Variants in RAD54L2 observed in about 807,000 individuals in gnomAD.
RAD54L2 encodes the protein helicase ARIP4.
A neutral mutation model predicts 138.4 loss-of-function variants in RAD54L2; 27 were observed. The observed-to-expected ratio is 0.20, with a 90% CI of 0.14 to 0.27. RAD54L2 has a LOEUF of 0.27. Among genes scored for constraint, RAD54L2 ranks in the 10% least tolerant of loss-of-function variants. The pLI, the probability that RAD54L2 is intolerant of heterozygous loss-of-function variation, is 1.00. For synonymous variants in RAD54L2, 644 were observed against 723.2 expected, an observed-to-expected ratio of 0.89 and a Z score of 1.76; for missense variants, 1,396 against 1,890.2, an observed-to-expected ratio of 0.74 and a Z score of 4.85.
chr3:51,573,657 A>T (rs969377849), intron 2 of RAD54L2, among the ~76,000 whole-genome samples: 2 of 152,200 alleles, frequency 1.3e-5, no homozygotes, highest in African/African-American at 4.8e-5. Context: ...TTTAGTAGAG[A>T]TGGGGTTTTG....
intron 21 of RAD54L2, among the ~76,000 whole-genome samples, chr3:51,659,385 G>A (rs575992282): frequency 3.3e-5 from 5 of 152,228 alleles, no homozygotes; most frequent in African/African-American, 7.2e-5. Flanking sequence ...GATTACAGGC[G>A]TGAGCCACTG....
chr3:51,592,054 GTTTTTTTT>G (rs71084151), intron 3 of RAD54L2, among the ~76,000 whole-genome samples: 1 of 66,824 alleles, frequency 1.5e-5, no homozygotes, highest in Admixed American at 2.6e-4. Flanking sequence ...TGGTTTTGGT[GTTTTTTTT>G]TTTTTTTTTT....
intron 14 of RAD54L2, 92 bp downstream of exon 14, chr3:51,640,091 C>A: frequency 1.1e-6 from 1 of 899,582 alleles, no homozygotes; most frequent in Middle Eastern, 2.4e-4. Context: ...CCCCGCCTCC[C>A]CCAAGTGCTA....
intron 3 of RAD54L2, among the ~76,000 whole-genome samples, chr3:51,602,691 A>G (rs771687985): frequency 6.6e-6 from 1 of 152,194 alleles, no homozygotes; most frequent in African/African-American, 2.4e-5. Context: ...CAGTCATTCA[A>G]TAATAATTAT....
Position 51,633,968 on chromosome 3 carries a change from G to A in RAD54L2, c.1075G>A (p.Ala359Thr). Residue 359 changes from alanine to threonine, a missense_variant, in exon 9 of 23, where the codon GCT becomes ACT. Transcript: ENST00000684192. ...MWLPPPEALP[A>T]DNKPEEVQPR... ...GCTTCCACCTCCTGAAGCCCTCCCGGCTGACAACAAGCCTGAAGAAGTCCA... is the reference window on the plus strand; with the variant it reads ...GCTTCCACCTCCTGAAGCCCTCCCGACTGACAACAAGCCTGAAGAAGTCCA... 6.2e-7 allele frequency: 1 copy of A among 1,613,870 alleles called. No homozygotes were observed. The highest frequency in any genetic ancestry group is 1.7e-5 in the Admixed American group (1 of 60,010).
chr3:51,654,118 G>A (rs112955380), intron 19 of RAD54L2, among the ~76,000 whole-genome samples: 4,486 of 152,046 alleles, frequency 0.03, 257 homozygotes, highest in African/African-American at 0.1. Context: ...TGTGATCTCG[G>A]CTCACTGCAA....
chr3:51,608,732 A>T (rs1700261671), intron 3 of RAD54L2, among the ~76,000 whole-genome samples: 1 of 152,226 alleles, frequency 6.6e-6, no homozygotes, highest in African/African-American at 2.4e-5. Context: ...AGGCTGAGGC[A>T]GGAGAATCAG....
rs545569957 is a variant in RAD54L2 at position 51,544,970 on chromosome 3, C to T, written c.-55+3320C>T. 2.6e-5 allele frequency among the ~76,000 whole-genome samples: 4 copies of T among 152,240 alleles called. No homozygotes were observed. The South Asian group carries it at 8.3e-4, about 32-fold the overall frequency. ...CTGCCTGGTTGGCCTTTTGGAGACC[C>T]ATCTGAGCTCAGTGTCACCATATAC... On this transcript the variant is annotated intron_variant, in intron 2 of 22. Coordinates refer to ENST00000684192, the MANE Select transcript of RAD54L2 (RefSeq NM_015106.4).
chr3:51,578,691 C>T (rs561992611), intron 2 of RAD54L2, among the ~76,000 whole-genome samples: 3 of 152,194 alleles, frequency 2.0e-5, no homozygotes, highest in Non-Finnish European at 4.4e-5. Context: ...TGCTTTTGGG[C>T]GCTGGGAAGA....
chr3:51,630,330 G>C lies in RAD54L2; in HGVS notation c.540G>C (p.Gln180His). The change falls in exon 6 of 23, where the codon CAG becomes CAC. Residue 180 changes from glutamine (Q) to histidine (H), a missense_variant. Physicochemically the swap from Gln to His is conservative, Grantham distance 24 (BLOSUM62 0). Transcript: ENST00000684192. ...GPQLPPRVLAQEVICLDSSSG... is the reference protein window; with the variant it reads ...GPQLPPRVLAHEVICLDSSSG... ...AACTGCCTCCTCGGGTCTTGGCCCA[G>C]GAAGTCATTTGTTTGGACAGTAGCA... 4 of 1,614,020 alleles carry C rather than the reference G, an allele frequency of 2.5e-6. No homozygotes were observed. The highest frequency in any genetic ancestry group is 3.4e-6 in the Non-Finnish European group (4 of 1,179,882).
chr3:51,653,740 G>A (rs1208943790), intron 19 of RAD54L2, among the ~76,000 whole-genome samples: 14 of 152,040 alleles, frequency 9.2e-5, no homozygotes, highest in Admixed American at 4.6e-4. Context: ...ATGAGAACAC[G>A]TGGACACAGG....
In RAD54L2 at chr3:51,630,793, G is replaced by A. The variant is rs775584635; in HGVS notation, c.687G>A (p.Glu229=). 8.1e-6 allele frequency: 13 copies of A among 1,614,026 alleles called. No homozygotes were observed. The East Asian group carries it at 2.2e-4, about 28-fold the overall frequency. Residue 229 remains glutamate, a synonymous_variant, in exon 7 of 23, where the codon GAG becomes GAA. Coordinates refer to ENST00000684192, the MANE Select transcript of RAD54L2 (RefSeq NM_015106.4). ...TCAGTGAAGATGATGAGGAAGAAGA[G>A]AAGGGTGGCACCCATGTCAATGATG... ...ESVSEDDEEE[E]KGGTHVNDVL... is the part of the protein sequence containing the mutation.
At chr3:51,588,343 TG>T (rs1391758693) in intron 2 of RAD54L2, among the ~76,000 whole-genome samples, 1 of 151,602 alleles carries the variant, frequency 6.6e-6, no homozygotes, top group Non-Finnish European at 1.5e-5. Context: ...GAAAACAGCC[TG>T]GCCAACATGG....
intron 1 of RAD54L2, among the ~76,000 whole-genome samples, chr3:51,539,524 G>A (rs1383300382): frequency 2.0e-5 from 3 of 152,214 alleles, no homozygotes; most frequent in African/African-American, 7.2e-5. Flanking sequence ...CTGACGAGGA[G>A]TGGTTTTCAG....
Position 51,637,618 on chromosome 3 carries a change from G to C in RAD54L2, c.1682+115G>C. On this transcript the variant is annotated intron_variant, in intron 11 of 22. Transcript: ENST00000684192. This position sits in a 1 kb window ranked among gnomAD's most constrained non-coding sequence, Gnocchi z 5.9. ...GGAGTAGGAGGGCCCCTTCCCTGGG[G>C]CAGTAGTAAAACTTTGCTTCCTGTG... is the stretch of plus-strand genomic sequence containing the variant. The C allele has an allele frequency of 9.6e-7, 1 of 1,046,318 alleles. No individual in the cohort carries two copies. Among genetic ancestry groups the C allele is most frequent in the Non-Finnish European group, 1.3e-6 (1 of 741,120 alleles). 64.8% of individuals were successfully genotyped at this position (1,046,318 alleles called of 1,614,324 possible). A position where few individuals can be genotyped will look rare whatever the true frequency, so the allele number is the denominator to read the frequency against.
Position 51,635,673 on chromosome 3 carries a change from G to T in RAD54L2, c.1223G>T (p.Arg408Ile), listed in dbSNP as rs1183031757. The T allele has an allele frequency of 1.2e-6, 2 of 1,613,902 alleles. No homozygotes were observed. Among genetic ancestry groups the T allele is most frequent in the Non-Finnish European group, 1.7e-6 (2 of 1,179,866 alleles). ...GVLLMGYEMYRLLTLKKSFAT... is the reference protein window; with the variant it reads ...GVLLMGYEMYILLTLKKSFAT... ...CTGCTGATGGGGTACGAGATGTACA[G>T]ACTCCTCACTCTGAAGAAATCATTT... The change falls in exon 10 of 23, where the codon AGA (arginine) becomes ATA (isoleucine). Residue 408 changes from arginine (R) to isoleucine (I), a missense_variant. Arg to Ile is a moderately conservative substitution (Grantham distance 97). This residue lies in a region of RAD54L2 where 169 missense variants were observed against 235.6 expected (regional missense o/e 0.72). Coordinates refer to ENST00000684192, the MANE Select transcript of RAD54L2 (RefSeq NM_015106.4).
chr3:51,578,476 C>T (rs1387699748), intron 2 of RAD54L2, among the ~76,000 whole-genome samples: 1 of 152,182 alleles, frequency 6.6e-6, no homozygotes, highest in African/African-American at 2.4e-5. Context: ...GATGGTTAGA[C>T]TGCTGATGGA....
Position 51,662,840 on chromosome 3 carries a change from G to A in RAD54L2, c.3824G>A (p.Gly1275Asp). 6.2e-7 allele frequency: 1 copy of A among 1,613,082 alleles called. No individual in the cohort carries two copies. Among genetic ancestry groups the A allele is most frequent in the Non-Finnish European group, 8.5e-7 (1 of 1,179,620 alleles). Residue 1275 changes from glycine to aspartate, a missense_variant, in exon 23 of 23, where the codon GGT becomes GAT. Coordinates refer to ENST00000684192, the MANE Select transcript of RAD54L2 (RefSeq NM_015106.4). The surrounding 1 kb of genome is among the most constrained non-coding windows in gnomAD (Gnocchi z 4.6). The stretch of plus-strand genomic sequence containing the variant: ...TCATCCCGCCGGCGGTCCAGGAAGG[G>A]TCATCTGCCAGCCCCCGTGCAGCCG... ...QESSRRRSRK[G>D]HLPAPVQPYE...
chr3:51,586,228 C>T lies in RAD54L2; in HGVS notation c.-54-4139C>T, dbSNP rs149088526. ...TTGTTGCCTGGGCTCAAGTGATCCTCCTGCCTCAGTCTCCCAAGTAGCTGG... is the reference window on the plus strand; with the variant it reads ...TTGTTGCCTGGGCTCAAGTGATCCTTCTGCCTCAGTCTCCCAAGTAGCTGG... On this transcript the variant is annotated intron_variant, in intron 2 of 22. Transcript: ENST00000684192. Among the ~76,000 whole-genome samples, 12 of 152,112 alleles carry T rather than the reference C, an allele frequency of 7.9e-5. No homozygotes were observed. In the East Asian group the frequency reaches 2.3e-3, roughly 29 times the overall value.
Sources: gnomAD v4.1 joint callset for allele counts (sites outside exome capture counted in the v4.1 genomes callset) on GRCh38, gnomAD v4.1.1 for gene constraint, gnomAD v4.1.1 regional missense constraint, Gnocchi (gnomAD v3.1) non-coding constraint, MANE v1.5 for transcripts, NCBI Gene and HGNC (gene_info 2026-07-23, HGNC 2026-07-21) for gene names.